Variants in FKBP9 observed in about 807,000 individuals in gnomAD.
FKBP9 encodes the protein FKBP prolyl isomerase 9.
FKBP9 carries 27 observed loss-of-function variants against 55.6 expected under a neutral mutation model. The observed-to-expected ratio is 0.49, with a 90% confidence interval of 0.36 to 0.67. The LOEUF (loss-of-function observed/expected upper bound fraction) is 0.67. FKBP9 is among the 30% of genes least tolerant of loss of function. The pLI, the probability that FKBP9 is intolerant of heterozygous loss-of-function variation, is 0.00. For missense variants in FKBP9, 539 were observed against 742.8 expected (o/e 0.73, Z 3.19); for synonymous variants, 267 against 296.5 (o/e 0.90, Z 1.02).
intron 7 of FKBP9, among the ~76,000 whole-genome samples, chr7:32,999,104 T>C (rs953435093): frequency 9.2e-5 from 14 of 152,102 alleles, no homozygotes; most frequent in African/African-American, 2.4e-4. Flanking sequence ...CATCCCTGAG[T>C]TGGCTTTGTT....
intron 5 of FKBP9, among the ~76,000 whole-genome samples, chr7:32,982,955 T>A (rs1784507443): frequency 6.6e-6 from 1 of 151,416 alleles, no homozygotes; most frequent in African/African-American, 2.4e-5. Flanking sequence ...CTGGGATACA[T>A]CGCTAGAAGA....
chr7:32,992,903 G>T (rs1474186720), intron 6 of FKBP9: 5 of 230,828 alleles, frequency 2.2e-5, no homozygotes, highest in Non-Finnish European at 4.3e-5. Flanking sequence ...TCAGGCACCT[G>T]GGAGACTGAC....
intron 1 of FKBP9, among the ~76,000 whole-genome samples, chr7:32,967,109 C>T (rs2127977651): frequency 6.6e-6 from 1 of 152,210 alleles, no homozygotes; most frequent in African/African-American, 2.4e-5. Flanking sequence ...CCCTAGCTGC[C>T]CTCTCTGTCT....
intron 6 of FKBP9, chr7:32,995,079 TCC>T (rs963169734): frequency 2.8e-4 from 42 of 151,932 alleles, no homozygotes; most frequent in African/African-American, 1.0e-3. Flanking sequence ...CAAGCAATCC[TCC>T]TGCCTCAACC....
intron 1 of FKBP9, among the ~76,000 whole-genome samples, chr7:32,959,119 C>A (rs1012577841): frequency 1.3e-5 from 2 of 150,690 alleles, no homozygotes; most frequent in Non-Finnish European, 3.0e-5. Context: ...AAAAAAAAAA[C>A]AACAGGCCGG....
At position 32,969,190 on chromosome 7, in the gene FKBP9, G is replaced by A. The variant is rs933796819; in HGVS notation, c.222-5427G>A. ...GCAAACATTTTCTCCCATTTTTTAG[G>A]TTGCCTTTTTACTCTGTTGATTGTT... On this transcript the variant is annotated intron_variant, in intron 1 of 9. Coordinates refer to ENST00000242209, the MANE Select transcript of FKBP9 (RefSeq NM_007270.5). 9.2e-4 allele frequency among the ~76,000 whole-genome samples: 140 copies of A among 151,862 alleles called. 1 individual carries two copies. Among genetic ancestry groups the A allele is most frequent in the Admixed American group, 3.2e-3 (48 of 15,236 alleles).
At chr7:32,958,728 C>A (rs572274638) in intron 1 of FKBP9, among the ~76,000 whole-genome samples, 1 of 152,296 alleles carries the variant, frequency 6.6e-6, no homozygotes, top group South Asian at 2.1e-4. Flanking sequence ...CTGCTTTATA[C>A]CAGGCCCTAT....
chr7:33,001,075 C>T (rs116851987), intron 8 of FKBP9, among the ~76,000 whole-genome samples: 1 of 152,278 alleles, frequency 6.6e-6, no homozygotes, highest in East Asian at 1.9e-4. Context: ...CTGTGCCTGG[C>T]CCCAGGAACC....
chr7:32,985,059 T>C (rs186352670), intron 5 of FKBP9, among the ~76,000 whole-genome samples: 1 of 152,146 alleles, frequency 6.6e-6, no homozygotes, highest in Admixed American at 6.5e-5. Context: ...TGCATTGACA[T>C]GATTTAAAAC....
intron 1 of FKBP9, among the ~76,000 whole-genome samples, chr7:32,973,580 AGT>A (rs10566069): frequency 0.72 from 104,242 of 143,964 alleles, 37,868 homozygotes; most frequent in South Asian, 0.79. Flanking sequence ...AAAAAAATCA[AGT>A]GTGTGTGTGT....
chr7:32,961,543 A>G (rs1275295369), intron 1 of FKBP9, among the ~76,000 whole-genome samples: 1 of 152,192 alleles, frequency 6.6e-6, no homozygotes, highest in African/African-American at 2.4e-5. Context: ...AAATAAATAA[A>G]TAGTAAATAA....
At chr7:32,973,828 T>C (rs11773034) in intron 1 of FKBP9, among the ~76,000 whole-genome samples, 443 of 22,912 alleles carry the variant, frequency 0.019, 30 homozygotes, top group East Asian at 0.036. Flanking sequence ...GTAGCTGGGA[T>C]TACAGGCGCC....
Position 32,996,262 on chromosome 7 carries a change from C to G in FKBP9, c.1139C>G (p.Pro380Arg), listed in dbSNP as rs754475417. ...AGCATCACCTCCCACTACAAACCCC[C>G]TGACTGCTCAGTGCTGAGTAAGAAG... Reference protein sequence around the residue: ...SISITSHYKPPDCSVLSKKGD... With the variant: ...SISITSHYKPRDCSVLSKKGD... Residue 380 changes from proline (P) to arginine (R), a missense_variant, in exon 7 of 10, where the codon CCT (proline) becomes CGT (arginine). By Grantham distance (103) the Pro-to-Arg change is moderately radical. Coordinates refer to ENST00000242209, the MANE Select transcript of FKBP9 (RefSeq NM_007270.5). The G allele has an allele frequency of 1.2e-6, 2 of 1,614,138 alleles. No individual in the cohort carries two copies. Among genetic ancestry groups the G allele is most frequent in the East Asian group, 4.5e-5 (2 of 44,888 alleles).
chr7:32,986,186 C>T (rs1403669895), intron 5 of FKBP9, among the ~76,000 whole-genome samples: 3 of 152,202 alleles, frequency 2.0e-5, no homozygotes, highest in Admixed American at 6.5e-5. Context: ...TTGGCTTGGC[C>T]CTTGCTGCCA....
intron 1 of FKBP9, among the ~76,000 whole-genome samples, chr7:32,969,486 C>T (rs941210279): frequency 3.3e-5 from 5 of 152,168 alleles, no homozygotes; most frequent in African/African-American, 1.2e-4. Context: ...AAGAGACCAT[C>T]CTTACCCACT....
chr7:32,986,080 G>A (rs1784568995), intron 5 of FKBP9, among the ~76,000 whole-genome samples: 1 of 152,184 alleles, frequency 6.6e-6, no homozygotes, highest in Admixed American at 6.5e-5. Context: ...GGATGGTTTT[G>A]CATTTACTTG....
rs1226998517 is a variant in FKBP9 at position 33,006,161 on chromosome 7, A to ATCTCGGCTCACTGCAGCACTG, written c.*828_*848dup. On this transcript the variant is annotated 3_prime_UTR_variant, in exon 10 of 10. Transcript: ENST00000242209. ...CGCCAGGCTGGAGTGCAGTGGTGCC[A>ATCTCGGCTCACTGCAGCACTG]TCTCGGCTCACTGCAGCACTGTCTC... 1.4e-4 allele frequency: 25 copies of ATCTCGGCTCACTGCAGCACTG among 176,026 alleles called. No homozygotes were observed. In the East Asian group the frequency reaches 1.5e-3, roughly 11 times the overall value. 10.9% of individuals were successfully genotyped at this position (176,026 alleles called of 1,614,324 possible). A position where few individuals can be genotyped will look rare whatever the true frequency, so the allele number is the denominator to read the frequency against.
At chr7:32,957,913 T>A in intron 1 of FKBP9, 119 bp downstream of exon 1, 1 of 765,580 alleles carries the variant, frequency 1.3e-6, no homozygotes, top group Non-Finnish European at 1.9e-6. Context: ...GCTCCTCCCT[T>A]CTTCCGCTGC....
At chr7:32,973,339 A>G (rs889916446) in intron 1 of FKBP9, among the ~76,000 whole-genome samples, 2 of 152,102 alleles carry the variant, frequency 1.3e-5, no homozygotes, top group Non-Finnish European at 2.9e-5. Flanking sequence ...TAAAACACGT[A>G]TATTAGTGAT....
Sources: gnomAD v4.1 joint callset for allele counts (sites outside exome capture counted in the v4.1 genomes callset) on GRCh38, gnomAD v4.1.1 for gene constraint, MANE v1.5 for transcripts, NCBI Gene and HGNC (gene_info 2026-07-23, HGNC 2026-07-21) for gene names.